Variants in ATAD1 observed in about 807,000 individuals in gnomAD.
The protein encoded by ATAD1 is outer mitochondrial transmembrane helix translocase.
Under a neutral mutation model 42.7 loss-of-function variants are expected in ATAD1, and 18 were observed. That is an observed-to-expected ratio of 0.42 (90% CI 0.29 to 0.63). The LOEUF (loss-of-function observed/expected upper bound fraction) is 0.63, where lower values mean the gene tolerates loss of function less well. Among genes scored for constraint, ATAD1 ranks in the 20% least tolerant of loss-of-function variants. ATAD1 has a pLI of 0.19. For synonymous variants in ATAD1, 132 were observed against 143.1 expected (o/e 0.92, Z 0.55); for missense variants, 294 against 440.4 (o/e 0.67, Z 2.98).
At chr10:87,757,875 C>T (rs1192927406) in intron 8 of ATAD1, among the ~76,000 whole-genome samples, 1 of 152,214 alleles carries the variant, frequency 6.6e-6, no homozygotes, top group Non-Finnish European at 1.5e-5. Context: ...GAAGGTGAGA[C>T]AACACTGCCA....
rs569075688 is a variant in ATAD1 at position 87,831,884 on chromosome 10, T to A, written c.-14+9303A>T. On this transcript the variant is annotated intron_variant, in intron 1 of 4. Transcript: ENST00000495903. ...CATATATCAACTCATGTAATTCTCATAAACCTGTAGTAAGTACTATAATTA... is the reference window on the plus strand; with the variant it reads ...CATATATCAACTCATGTAATTCTCAAAAACCTGTAGTAAGTACTATAATTA... 3.3e-3 allele frequency among the ~76,000 whole-genome samples: 508 copies of A among 152,226 alleles called. 5 individuals carry two copies. Among genetic ancestry groups the A allele is most frequent in the South Asian group, 0.022 (104 of 4,816 alleles).
At chr10:87,830,598 A>G (rs897870049) in intron 1 of ATAD1, among the ~76,000 whole-genome samples, 12 of 152,270 alleles carry the variant, frequency 7.9e-5, no homozygotes, top group African/African-American at 2.6e-4. Flanking sequence ...ATTTATCTCT[A>G]TTTGTGTTTT....
intron 5 of ATAD1, among the ~76,000 whole-genome samples, chr10:87,778,188 A>AAC (rs1200485052): frequency 1.3e-5 from 2 of 150,268 alleles, no homozygotes; most frequent in African/African-American, 2.4e-5. Context: ...TAAAAAAAAA[A>AAC]AAAAAAAAAA....
At chr10:87,794,752 A>G (rs896836944) in intron 2 of ATAD1, among the ~76,000 whole-genome samples, 8 of 152,222 alleles carry the variant, frequency 5.3e-5, no homozygotes, top group Non-Finnish European at 1.0e-4. Flanking sequence ...ATGCCTAAAT[A>G]AAGCTTTTAA....
At chr10:87,792,874 G>A in intron 2 of ATAD1, 119 bp from the exon 3 acceptor site, 1 of 723,116 alleles carries the variant, frequency 1.4e-6, no homozygotes, top group Non-Finnish European at 2.3e-6. Context: ...AAATTTCCAA[G>A]GATATTCTAG....
At chr10:87,824,636 G>T (rs756239548) in intron 1 of ATAD1, among the ~76,000 whole-genome samples, 1 of 152,262 alleles carries the variant, frequency 6.6e-6, no homozygotes, top group Middle Eastern at 3.4e-3. Flanking sequence ...TTCATTATAC[G>T]ATGAGGTGAT....
At chr10:87,813,241 G>A (rs1857264136) in intron 2 of ATAD1, among the ~76,000 whole-genome samples, 1 of 151,848 alleles carries the variant, frequency 6.6e-6, no homozygotes, top group East Asian at 1.9e-4. Flanking sequence ...ATGCTGAAAC[G>A]ATGTAACTTA....
chr10:87,840,639 TTAAC>T (rs1858015401), intron 1 of ATAD1, among the ~76,000 whole-genome samples: 1 of 152,256 alleles, frequency 6.6e-6, no homozygotes, highest in South Asian at 2.1e-4. Flanking sequence ...TGATTTGTAA[TTAAC>T]TAGGCCTCAT....
chr10:87,791,949 C>T (rs1174769377), intron 3 of ATAD1, among the ~76,000 whole-genome samples: 1 of 152,064 alleles, frequency 6.6e-6, no homozygotes, highest in Non-Finnish European at 1.5e-5. Context: ...GTTATCATAC[C>T]ATATTATGAA....
At chr10:87,829,709 T>C (rs1857795090) in intron 1 of ATAD1, among the ~76,000 whole-genome samples, 1 of 152,172 alleles carries the variant, frequency 6.6e-6, no homozygotes, top group Non-Finnish European at 1.5e-5. Context: ...AGATGTGGTA[T>C]AAATAGCAAG....
At chr10:87,776,510 C>G (rs1232976227) in intron 5 of ATAD1, 83 bp from the exon 6 acceptor site, 2 of 1,163,384 alleles carry the variant, frequency 1.7e-6, no homozygotes, top group Non-Finnish European at 2.5e-6. Flanking sequence ...ACTCTGTTGC[C>G]CAGGCTGGGG....
At chr10:87,801,622 A>G (rs753471014) in intron 2 of ATAD1, among the ~76,000 whole-genome samples, 1 of 152,232 alleles carries the variant, frequency 6.6e-6, no homozygotes, top group Non-Finnish European at 1.5e-5. Context: ...AATAATAATT[A>G]TAATTATTGT....
At chr10:87,839,717 C>T (rs1032332894) in intron 1 of ATAD1, among the ~76,000 whole-genome samples, 1 of 152,034 alleles carries the variant, frequency 6.6e-6, no homozygotes, top group Non-Finnish European at 1.5e-5. Flanking sequence ...CCCCCCGCCG[C>T]CCCCAGTAAT....
intron 1 of ATAD1, among the ~76,000 whole-genome samples, chr10:87,828,527 A>G (rs1857769428): frequency 1.3e-5 from 2 of 152,244 alleles, no homozygotes; most frequent in South Asian, 2.1e-4. Context: ...AGCTATCTTC[A>G]TAACATGTAA....
rs1854103948 is a variant in ATAD1 at position 87,753,670 on chromosome 10, T to C, written c.*1017A>G. On this transcript the variant is annotated 3_prime_UTR_variant, in exon 10 of 10. Transcript: ENST00000680024. ...ACTAAAATTAATTATAAAATGAGTA[T>C]TTTTAGCACACTTAGTAACAGCTAC... 1 of 152,632 alleles carries C rather than the reference T, an allele frequency of 6.6e-6. No homozygotes were observed. Among genetic ancestry groups the C allele is most frequent in the Non-Finnish European group, 1.5e-5 (1 of 68,016 alleles). 9.5% of individuals were successfully genotyped at this position (152,632 alleles called of 1,614,324 possible).
rs937017599 is a variant in ATAD1 at position 87,753,287 on chromosome 10, A to G, written c.*1400T>C. On this transcript the variant is annotated 3_prime_UTR_variant, in exon 10 of 10. Coordinates refer to ENST00000680024, the MANE Select transcript of ATAD1 (RefSeq NM_001321967.2). ...GTTCACCTGAAACTTCCACCCCACC[A>G]TTCAAAGTACAACTGAAGAATAAAC... is the stretch of plus-strand genomic sequence containing the variant. 3.9e-5 allele frequency: 6 copies of G among 152,186 alleles called. 1 individual carries two copies. The South Asian group carries it at 1.0e-3, about 26-fold the overall frequency. The allele number at this position is 152,186 out of a possible 1,614,324, so 9.4% of individuals were successfully genotyped here.
At chr10:87,777,314 T>A (rs1030394399) in intron 5 of ATAD1, among the ~76,000 whole-genome samples, 1 of 152,212 alleles carries the variant, frequency 6.6e-6, no homozygotes, top group Non-Finnish European at 1.5e-5. Flanking sequence ...AAAACACTAT[T>A]AAGCCGAAAA....
chr10:87,831,156 G>C (rs941873207), intron 1 of ATAD1, among the ~76,000 whole-genome samples: 2 of 152,192 alleles, frequency 1.3e-5, no homozygotes, highest in Non-Finnish European at 2.9e-5. Context: ...GATAAGCTAC[G>C]TAAAGGAACT....
chr10:87,800,854 C>T (rs1856658315), intron 2 of ATAD1, among the ~76,000 whole-genome samples: 1 of 152,072 alleles, frequency 6.6e-6, no homozygotes, highest in Admixed American at 6.6e-5. Context: ...CTCCTCAAGG[C>T]CCAGGGACTA....
Sources: allele counts gnomAD v4.1 joint callset (sites outside exome capture counted in the v4.1 genomes callset), GRCh38; gene constraint gnomAD v4.1.1; transcripts MANE v1.5; gene names NCBI Gene and HGNC (gene_info 2026-07-23, HGNC 2026-07-21).